The following GPC5 variants were observed in gnomAD, a reference collection of about 807,000 sequenced individuals.
GPC5 encodes glypican-5.
GPC5 carries 47 observed loss-of-function variants against 53.9 expected under a neutral mutation model. The observed-to-expected ratio is 0.87, with a 90% CI of 0.69 to 1.11. The LOEUF is 1.11. Ranked by LOEUF, GPC5 falls within the 50% of genes most tolerant of loss-of-function variation. The probability of loss-of-function intolerance (pLI) is 0.00; values close to 1 mark genes in which losing one functional copy is unlikely to be tolerated. For missense variants in GPC5, 748 were observed against 713.1 expected, an observed-to-expected ratio of 1.05 and a Z score of -0.56; for synonymous variants, 286 against 263.3, an observed-to-expected ratio of 1.09 and a Z score of -0.84.
chr13:91,824,633 C>T (rs2038547980), intron 5 of GPC5, among the ~76,000 whole-genome samples: 1 of 151,994 alleles, frequency 6.6e-6, no homozygotes, highest in African/African-American at 2.4e-5. Context: ...AATAGAATCA[C>T]ATATTCAAAA....
intron 6 of GPC5, among the ~76,000 whole-genome samples, chr13:91,916,280 C>T (rs7318425): frequency 0.59 from 89,036 of 151,966 alleles, 26,384 homozygotes; most frequent in East Asian, 0.71. Context: ...CCAGCAATTC[C>T]GTATCTAGGT....
intron 2 of GPC5, among the ~76,000 whole-genome samples, chr13:91,545,099 G>A (rs1448460116): frequency 1.3e-5 from 2 of 152,142 alleles, no homozygotes; most frequent in African/African-American, 4.8e-5. Flanking sequence ...CTCCAAAATT[G>A]CACACCATCA....
intron 3 of GPC5, among the ~76,000 whole-genome samples, chr13:91,722,208 C>T (rs2036488811): frequency 6.6e-6 from 1 of 152,224 alleles, no homozygotes; most frequent in Non-Finnish European, 1.5e-5. Context: ...GGTCAATTCT[C>T]AGTATCTCTA....
chr13:92,527,108 AAAAGAAAGAAAGAAAG>A (rs58356455), intron 7 of GPC5, among the ~76,000 whole-genome samples: 831 of 39,002 alleles, frequency 0.021, 29 homozygotes, highest in African/African-American at 0.045. Context: ...AAAGAAAGAA[AAAAGAAAGAAAGAAAG>A]AAAGAAAGAA....
rs1431223895 is a variant in GPC5 at position 92,512,190 on chromosome 13, C to G, written c.1562-354092C>G. ...TCTCCCCGATTCTGCCCTGGCAACA[C>G]TTAATGATTGATCCTAGTAATTTTT... On this transcript the variant is annotated intron_variant, in intron 7 of 7. Transcript: ENST00000377067. Among the ~76,000 whole-genome samples the G allele has an allele frequency of 2.0e-5, 3 of 152,250 alleles. No individual in the cohort carries two copies. In the South Asian group the frequency reaches 6.2e-4, roughly 32 times the overall value.
intron 7 of GPC5, among the ~76,000 whole-genome samples, chr13:92,162,367 C>T (rs907611147): frequency 1.4e-4 from 21 of 152,072 alleles, no homozygotes; most frequent in African/African-American, 4.1e-4. Context: ...ATACAGATTT[C>T]GGCCTCTGGG....
chr13:92,280,642 G>C (rs887986601), intron 7 of GPC5, among the ~76,000 whole-genome samples: 1 of 152,086 alleles, frequency 6.6e-6, no homozygotes, highest in African/African-American at 2.4e-5. Context: ...CAGTACCTCA[G>C]AGTATGACTG....
At chr13:92,422,550 G>A (rs1471851774) in intron 7 of GPC5, among the ~76,000 whole-genome samples, 2 of 147,156 alleles carry the variant, frequency 1.4e-5, no homozygotes, top group African/African-American at 5.1e-5. Context: ...GGAAAGAAAA[G>A]TATTCCCCCA....
intron 7 of GPC5, chr13:92,241,105 T>C (rs557595869): frequency 8.1e-4 from 124 of 152,258 alleles, no homozygotes; most frequent in African/African-American, 2.9e-3. Flanking sequence ...TTAACAAATA[T>C]CTAGTATAAG....
chr13:92,692,164 A>G (rs1431935426), intron 7 of GPC5, among the ~76,000 whole-genome samples: 1 of 152,122 alleles, frequency 6.6e-6, no homozygotes, highest in Non-Finnish European at 1.5e-5. Context: ...CACTTAGGAT[A>G]ATGGTCTCCA....
intron 7 of GPC5, among the ~76,000 whole-genome samples, chr13:92,693,114 G>A (rs924674798): frequency 6.6e-6 from 1 of 152,056 alleles, no homozygotes; most frequent in Non-Finnish European, 1.5e-5. Flanking sequence ...CACCATGATT[G>A]TAAGTTTCCT....
At chr13:92,374,411 C>T (rs1167203910) in intron 7 of GPC5, among the ~76,000 whole-genome samples, 1 of 152,066 alleles carries the variant, frequency 6.6e-6, no homozygotes, top group Non-Finnish European at 1.5e-5. Context: ...AGACTATCAA[C>T]ATGATGTCAC....
At chr13:92,508,154 G>A (rs1880440566) in intron 7 of GPC5, among the ~76,000 whole-genome samples, 1 of 152,104 alleles carries the variant, frequency 6.6e-6, no homozygotes, top group African/African-American at 2.4e-5. Context: ...AGTAGAGACA[G>A]TGTTTCACCA....
At chr13:92,384,272 C>T (rs372268305) in intron 7 of GPC5, among the ~76,000 whole-genome samples, 1 of 151,978 alleles carries the variant, frequency 6.6e-6, no homozygotes, top group African/African-American at 2.4e-5. Context: ...CATTTGTGCC[C>T]AGTTTGTAAT....
At chr13:91,413,868 C>G (rs1368274517) in intron 1 of GPC5, among the ~76,000 whole-genome samples, 4 of 152,138 alleles carry the variant, frequency 2.6e-5, no homozygotes, top group Non-Finnish European at 5.9e-5. Flanking sequence ...CAAAAATCAT[C>G]CCTGGAAACA....
chr13:91,780,822 G>A (rs567781634), intron 5 of GPC5, among the ~76,000 whole-genome samples: 1 of 152,120 alleles, frequency 6.6e-6, no homozygotes, highest in Non-Finnish European at 1.5e-5. Context: ...AACGCCACAA[G>A]TAGAATGAGT....
chr13:92,337,791 C>A (rs2043335229), intron 7 of GPC5, among the ~76,000 whole-genome samples: 1 of 152,088 alleles, frequency 6.6e-6, no homozygotes, highest in South Asian at 2.1e-4. Context: ...AGACTTTACA[C>A]CCTTCACAAA....
At chr13:92,629,971 G>T (rs953137906) in intron 7 of GPC5, among the ~76,000 whole-genome samples, 2 of 152,156 alleles carry the variant, frequency 1.3e-5, no homozygotes, top group African/African-American at 4.8e-5. Context: ...ATAGCAACAG[G>T]AGCAGGAGAT....
intron 2 of GPC5, among the ~76,000 whole-genome samples, chr13:91,527,796 C>A (rs970919277): frequency 2.6e-5 from 4 of 152,238 alleles, no homozygotes; most frequent in African/African-American, 9.6e-5. Flanking sequence ...ATCTTCTGCA[C>A]ACCCACTGGC....
Sources: allele counts gnomAD v4.1 joint callset (sites outside exome capture counted in the v4.1 genomes callset), GRCh38; gene constraint gnomAD v4.1.1; transcripts MANE v1.5; gene names NCBI Gene and HGNC (gene_info 2026-07-23, HGNC 2026-07-21).